HRH2: variants seen among roughly 807,000 people sequenced by gnomAD.
HRH2 encodes the protein histamine H2 receptor.
A neutral mutation model predicts 20.1 loss-of-function variants in HRH2; 4 were observed. That is an observed-to-expected ratio of 0.20 (90% CI 0.10 to 0.45). The LOEUF (loss-of-function observed/expected upper bound fraction) is 0.45, where lower values mean the gene tolerates loss of function less well. HRH2 is among the 20% of genes least tolerant of loss of function. HRH2 has a pLI of 0.99. For missense variants in HRH2, 250 were observed against 461.6 expected, an observed-to-expected ratio of 0.54 and a Z score of 4.20; for synonymous variants, 197 against 200.7, an observed-to-expected ratio of 0.98 and a Z score of 0.16.
chr5:175,670,881 T>C (rs1755507651), intron 1 of HRH2, among the ~76,000 whole-genome samples: 1 of 152,258 alleles, frequency 6.6e-6, no homozygotes, highest in Non-Finnish European at 1.5e-5. Flanking sequence ...GATTTGGGCC[T>C]GTAACAATGC....
intron 2 of HRH2, among the ~76,000 whole-genome samples, chr5:175,703,417 TA>T (rs764392299): frequency 2.0e-4 from 31 of 152,332 alleles, no homozygotes; most frequent in Admixed American, 3.9e-4. Flanking sequence ...AGGATGCCAC[TA>T]AAACGCTACT....
At chr5:175,665,839 G>A (rs540690436) in intron 1 of HRH2, among the ~76,000 whole-genome samples, 2 of 152,110 alleles carry the variant, frequency 1.3e-5, no homozygotes, top group East Asian at 3.9e-4. Context: ...AGAACACCAG[G>A]AACATGCCAA....
chr5:175,696,898 G>T (rs1447177690), intron 2 of HRH2, among the ~76,000 whole-genome samples: 1 of 152,244 alleles, frequency 6.6e-6, no homozygotes, highest in Non-Finnish European at 1.5e-5. Flanking sequence ...CCGCAGTGCA[G>T]CAGGAGCTCA....
intron 2 of HRH2, among the ~76,000 whole-genome samples, chr5:175,685,019 G>T (rs1399259316): frequency 6.6e-6 from 1 of 152,122 alleles, no homozygotes; most frequent in Non-Finnish European, 1.5e-5. Flanking sequence ...GTAGACGAGG[G>T]GGTTGTGGCA....
In HRH2 at chr5:175,687,622, C is replaced by T. The variant is rs1406406055; in HGVS notation, c.1076+3313C>T. Among the ~76,000 whole-genome samples, 1 of 152,024 alleles carries T rather than the reference C, an allele frequency of 6.6e-6. No homozygotes were observed. The highest frequency in any genetic ancestry group is 1.5e-5 in the Non-Finnish European group (1 of 67,984). ...AGGGGCCCCGGCTGGTCCCACCATTCGAGAACCTGCTGGCTGCCTTATGGG... is the reference window on the plus strand; with the variant it reads ...AGGGGCCCCGGCTGGTCCCACCATTTGAGAACCTGCTGGCTGCCTTATGGG... On this transcript the variant is annotated intron_variant, in intron 2 of 2. Coordinates refer to ENST00000636584, the MANE Select transcript of HRH2 (RefSeq NM_001367711.1). The surrounding 1 kb of genome is among the most constrained non-coding windows in gnomAD (Gnocchi z 5.2).
chr5:175,671,372 G>T (rs760101713), intron 1 of HRH2, among the ~76,000 whole-genome samples: 2 of 152,218 alleles, frequency 1.3e-5, no homozygotes, highest in Non-Finnish European at 2.9e-5. Context: ...CTGCCTGTAA[G>T]AGAAAGTTGT....
chr5:175,680,724 C>T (rs1365406607), intron 1 of HRH2, among the ~76,000 whole-genome samples: 3 of 152,064 alleles, frequency 2.0e-5, no homozygotes, highest in Non-Finnish European at 2.9e-5. Context: ...GGAGAGAGAG[C>T]GCCGTACAAA....
At chr5:175,665,424 C>A (rs1487470154) in intron 1 of HRH2, among the ~76,000 whole-genome samples, 1 of 151,964 alleles carries the variant, frequency 6.6e-6, no homozygotes, top group South Asian at 2.1e-4. Context: ...AGTGAGAGGC[C>A]CTGGATGCCT....
At chr5:175,685,551 G>A (rs1233178859) in intron 2 of HRH2, 1 of 1,425,146 alleles carries the variant, frequency 7.0e-7, no homozygotes, top group Non-Finnish European at 9.7e-7. Flanking sequence ...GTAGAAATGA[G>A]ATTTTTTGGG....
At chr5:175,698,069 C>A (rs977418959) in intron 2 of HRH2, among the ~76,000 whole-genome samples, 1 of 152,284 alleles carries the variant, frequency 6.6e-6, no homozygotes, top group Non-Finnish European at 1.5e-5. Context: ...CACACACGCT[C>A]TTGCGTGCAA....
chr5:175,689,849 T>C (rs1462306117), intron 2 of HRH2, among the ~76,000 whole-genome samples: 1 of 152,202 alleles, frequency 6.6e-6, no homozygotes, highest in Non-Finnish European at 1.5e-5. Flanking sequence ...CCCAACAACC[T>C]GGACTGCATC....
At position 175,677,055 on chromosome 5, in the gene HRH2, C is replaced by T. The variant is rs1399825827; in HGVS notation, c.-525-5654C>T. 6.6e-6 allele frequency among the ~76,000 whole-genome samples: 1 copy of T among 152,194 alleles called. No individual in the cohort carries two copies. Among genetic ancestry groups the T allele is most frequent in the East Asian group, 1.9e-4 (1 of 5,194 alleles). On this transcript the variant is annotated intron_variant, in intron 1 of 2. Coordinates refer to ENST00000636584, the MANE Select transcript of HRH2 (RefSeq NM_001367711.1). This position sits in a 1 kb window ranked among gnomAD's most constrained non-coding sequence, Gnocchi z 4.2. ...AGTTGCCCAGGCTGGAGTGCAGTGG[C>T]ATGATCTCAGTTCACTGCAGCCTTG...
chr5:175,697,585 C>T (rs572148017), intron 2 of HRH2, among the ~76,000 whole-genome samples: 1 of 152,266 alleles, frequency 6.6e-6, no homozygotes, highest in African/African-American at 2.4e-5. Context: ...TCCCCATTCC[C>T]CCGCTGGGGT....
At chr5:175,699,913 GAGA>G (rs1039010439) in intron 2 of HRH2, among the ~76,000 whole-genome samples, 14 of 152,332 alleles carry the variant, frequency 9.2e-5, no homozygotes, top group African/African-American at 3.4e-4. Flanking sequence ...GGAGGAGAAA[GAGA>G]AGGAGGATTC....
At chr5:175,678,772 G>A (rs932749146) in intron 1 of HRH2, among the ~76,000 whole-genome samples, 23 of 152,236 alleles carry the variant, frequency 1.5e-4, no homozygotes, top group African/African-American at 5.5e-4. Flanking sequence ...AGCCTTAACT[G>A]ATTCCCCCAA....
intron 1 of HRH2, among the ~76,000 whole-genome samples, chr5:175,678,914 C>T (rs942298127): frequency 2.0e-5 from 3 of 152,194 alleles, no homozygotes; most frequent in African/African-American, 7.2e-5. Flanking sequence ...ATTTCATAAA[C>T]GTGGAGGGGG....
Position 175,686,486 on chromosome 5 carries a change from G to A in HRH2, c.1076+2177G>A, listed in dbSNP as rs1756177722. 6.6e-6 allele frequency among the ~76,000 whole-genome samples: 1 copy of A among 152,186 alleles called. No individual in the cohort carries two copies. The highest frequency in any genetic ancestry group is 6.5e-5 in the Admixed American group (1 of 15,284). On this transcript the variant is annotated intron_variant, in intron 2 of 2. Coordinates refer to ENST00000636584, the MANE Select transcript of HRH2 (RefSeq NM_001367711.1). The surrounding 1 kb of genome is among the most constrained non-coding windows in gnomAD (Gnocchi z 4.7). Reference sequence around the variant, plus strand: ...CATCCTACTCCCACCCCTGCACCAAGTGCTAAGGGCACAAAGTGAGATAGA... The same window carrying A: ...CATCCTACTCCCACCCCTGCACCAAATGCTAAGGGCACAAAGTGAGATAGA...
At position 175,693,803 on chromosome 5, in the gene HRH2, G is replaced by A. The variant is rs985106798; in HGVS notation, c.1076+9494G>A. Among the ~76,000 whole-genome samples the A allele has an allele frequency of 1.5e-4, 23 of 152,190 alleles. No homozygotes were observed. The highest frequency in any genetic ancestry group is 1.2e-3 in the Admixed American group (18 of 15,282). On this transcript the variant is annotated intron_variant, in intron 2 of 2. Coordinates refer to ENST00000636584, the MANE Select transcript of HRH2 (RefSeq NM_001367711.1). The surrounding 1 kb of genome is among the most constrained non-coding windows in gnomAD (Gnocchi z 4.4). Reference sequence around the variant, plus strand: ...GATGCACATGCTCTTGTTCTGCCCCGCTTTTGTTCCACCTGGTGTTCGTTC... The same window carrying A: ...GATGCACATGCTCTTGTTCTGCCCCACTTTTGTTCCACCTGGTGTTCGTTC...
At chr5:175,695,555 C>T (rs537950054) in intron 2 of HRH2, among the ~76,000 whole-genome samples, 54 of 152,284 alleles carry the variant, frequency 3.5e-4, no homozygotes, top group African/African-American at 6.5e-4. Flanking sequence ...TCCCTAGAAA[C>T]GGAATTTCTG....
Sources: gnomAD v4.1 joint callset for allele counts (sites outside exome capture counted in the v4.1 genomes callset) on GRCh38, gnomAD v4.1.1 for gene constraint, Gnocchi (gnomAD v3.1) non-coding constraint, MANE v1.5 for transcripts, NCBI Gene and HGNC (gene_info 2026-07-23, HGNC 2026-07-21) for gene names.